TBC1D4: variants seen among roughly 807,000 people sequenced by gnomAD.
TBC1D4 encodes TBC1 domain family member 4, also known as TBC (Tre-2, BUB2, CDC16) domain-containing protein.
TBC1D4 carries 121 observed loss-of-function variants against 142.5 expected under a neutral mutation model. The observed-to-expected ratio is 0.85, with a 90% confidence interval of 0.73 to 0.99. The LOEUF is 0.99. Ranked by LOEUF, TBC1D4 falls within the 50% of genes least tolerant of loss-of-function variation. The pLI is 0.00. For synonymous variants in TBC1D4, 630 were observed against 628.2 expected, an observed-to-expected ratio of 1.00 and a Z score of -0.04; for missense variants, 1,475 against 1,606.6, an observed-to-expected ratio of 0.92 and a Z score of 1.40.
intron 3 of TBC1D4, 52 bp downstream of exon 3, chr13:75,359,717 T>C: frequency 1.4e-6 from 2 of 1,411,180 alleles, no homozygotes; most frequent in Non-Finnish European, 1.0e-6. Flanking sequence ...TTATTGTTAA[T>C]TCTGAAACAA....
chr13:75,317,878 C>A (rs563391319), intron 12 of TBC1D4, among the ~76,000 whole-genome samples: 2 of 152,144 alleles, frequency 1.3e-5, no homozygotes, highest in African/African-American at 2.4e-5. Context: ...GAGAAAATGT[C>A]CCGTATTACA....
At chr13:75,328,409 T>A (rs1247121135) in intron 8 of TBC1D4, among the ~76,000 whole-genome samples, 1 of 152,202 alleles carries the variant, frequency 6.6e-6, no homozygotes, top group African/African-American at 2.4e-5. Context: ...GTTATCAATT[T>A]TTTTTCACAT....
At chr13:75,470,879 T>C (rs1179771842) in intron 1 of TBC1D4, among the ~76,000 whole-genome samples, 2 of 151,510 alleles carry the variant, frequency 1.3e-5, no homozygotes, top group African/African-American at 4.9e-5. Flanking sequence ...CCCAGATACT[T>C]GGGAGGCTGG....
chr13:75,481,711 C>T lies in TBC1D4; in HGVS notation c.57G>A (p.Glu19=), dbSNP rs1230619639. The change falls in exon 1 of 21, where the codon GAG becomes GAA. Residue 19 remains glutamate, a synonymous_variant. Coordinates refer to ENST00000377636, the MANE Select transcript of TBC1D4 (RefSeq NM_014832.5). The part of the protein sequence containing the change: ...DEPFPHPLEP[E]PGVSAQPGPG... ...GGCCGGGCTGAGCTGAGACGCCCGG[C>T]TCGGGCTCCAGGGGGTGCGGGAACG... The T allele has an allele frequency of 1.3e-6, 2 of 1,596,280 alleles. No individual in the cohort carries two copies. Among genetic ancestry groups the T allele is most frequent in the Non-Finnish European group, 1.7e-6 (2 of 1,173,546 alleles).
intron 1 of TBC1D4, among the ~76,000 whole-genome samples, chr13:75,476,189 G>C (rs953849873): frequency 6.6e-6 from 1 of 152,158 alleles, no homozygotes; most frequent in Admixed American, 6.5e-5. Context: ...GTTGCAGTGA[G>C]CCGAGATCGC....
intron 1 of TBC1D4, among the ~76,000 whole-genome samples, chr13:75,373,998 AG>A (rs1483428477): frequency 6.6e-6 from 1 of 152,192 alleles, no homozygotes; most frequent in Non-Finnish European, 1.5e-5. Flanking sequence ...AGCATCCTGG[AG>A]AAAGAATATG....
intron 2 of TBC1D4, among the ~76,000 whole-genome samples, chr13:75,361,771 T>C (rs1363478310): frequency 2.6e-5 from 4 of 152,256 alleles, no homozygotes; most frequent in Non-Finnish European, 5.9e-5. Context: ...TCCAGGACGT[T>C]CTACGAATTG....
chr13:75,404,000 T>A (rs186923872), intron 1 of TBC1D4, among the ~76,000 whole-genome samples: 5 of 151,642 alleles, frequency 3.3e-5, no homozygotes, highest in African/African-American at 1.2e-4. Flanking sequence ...AATCAGGTAT[T>A]TATATATATA....
chr13:75,456,675 T>C (rs1432147601), intron 1 of TBC1D4, among the ~76,000 whole-genome samples: 2 of 151,080 alleles, frequency 1.3e-5, no homozygotes, highest in African/African-American at 4.9e-5. Flanking sequence ...GTAGAGCTAT[T>C]AGAACTGTCA....
intron 1 of TBC1D4, among the ~76,000 whole-genome samples, chr13:75,458,414 G>A (rs995862215): frequency 6.6e-6 from 1 of 152,190 alleles, no homozygotes; most frequent in African/African-American, 2.4e-5. Flanking sequence ...GCGGAGCTTA[G>A]GGTTTATATG....
chr13:75,342,064 G>A (rs536350666), intron 5 of TBC1D4, among the ~76,000 whole-genome samples: 42 of 152,280 alleles, frequency 2.8e-4, no homozygotes, highest in Non-Finnish European at 5.4e-4. Context: ...CAGCCATGGT[G>A]GCGGGGGCCT....
At chr13:75,320,066 A>G in intron 11 of TBC1D4, 29 bp from the exon 12 acceptor site, 1 of 1,612,564 alleles carries the variant, frequency 6.2e-7, no homozygotes, top group Non-Finnish European at 8.5e-7. Flanking sequence ...AAGGAATGGA[A>G]TTAGCACACA....
chr13:75,419,748 A>T lies in TBC1D4; in HGVS notation c.499-57141T>A, dbSNP rs150141971. On this transcript the variant is annotated intron_variant, in intron 1 of 20. Transcript: ENST00000377636. ...AACTCACAAATTGTATTAAATCAAA[A>T]AATCTTCGCTGAGTGCTTACCATGT... 3.9e-5 allele frequency among the ~76,000 whole-genome samples: 6 copies of T among 152,302 alleles called. No homozygotes were observed. The East Asian group carries it at 9.6e-4, about 24-fold the overall frequency.
chr13:75,362,684 C>A lies in TBC1D4; in HGVS notation c.499-77G>T. On this transcript the variant is annotated intron_variant, in intron 1 of 20. Transcript: ENST00000377636. This position sits in a 1 kb window ranked among gnomAD's most constrained non-coding sequence, Gnocchi z 4.2. ...TACATTTACCTAGCCCAATTATTAC[C>A]ACATGGAATGTATTTTCATCCTAAA... is the stretch of plus-strand genomic sequence containing the variant. 1.4e-6 allele frequency: 2 copies of A among 1,460,244 alleles called. No individual in the cohort carries two copies. The highest frequency in any genetic ancestry group is 2.3e-5 in the South Asian group (2 of 86,944). The allele number at this position is 1,460,244 out of a possible 1,614,324, so 90.5% of individuals were successfully genotyped here.
intron 1 of TBC1D4, among the ~76,000 whole-genome samples, chr13:75,398,056 A>G (rs1884891262): frequency 6.6e-6 from 1 of 152,204 alleles, no homozygotes; most frequent in Non-Finnish European, 1.5e-5. Flanking sequence ...ATGGAGAGAA[A>G]GAGATGCCTG....
intron 1 of TBC1D4, among the ~76,000 whole-genome samples, chr13:75,472,760 G>T (rs930517498): frequency 6.6e-6 from 1 of 152,128 alleles, no homozygotes; most frequent in African/African-American, 2.4e-5. Flanking sequence ...GAATCAGGGA[G>T]TTCCAACACA....
At chr13:75,401,685 T>C (rs1226972100) in intron 1 of TBC1D4, among the ~76,000 whole-genome samples, 1 of 152,212 alleles carries the variant, frequency 6.6e-6, no homozygotes, top group Non-Finnish European at 1.5e-5. Flanking sequence ...CTCCAGATAA[T>C]GAAGATGCTT....
intron 1 of TBC1D4, among the ~76,000 whole-genome samples, chr13:75,372,853 A>C (rs953355447): frequency 3.9e-5 from 6 of 152,238 alleles, no homozygotes; most frequent in African/African-American, 1.4e-4. Flanking sequence ...AAAAAATTTG[A>C]ATACAGCAAA....
intron 1 of TBC1D4, among the ~76,000 whole-genome samples, chr13:75,476,529 G>A (rs972113751): frequency 3.3e-5 from 5 of 152,180 alleles, no homozygotes; most frequent in Non-Finnish European, 7.4e-5. Flanking sequence ...GAAAGGCAAA[G>A]TTTTCATTCA....
Sources: allele counts gnomAD v4.1 joint callset (sites outside exome capture counted in the v4.1 genomes callset), GRCh38; gene constraint gnomAD v4.1.1; non-coding constraint Gnocchi (gnomAD v3.1); transcripts MANE v1.5; gene names NCBI Gene and HGNC (gene_info 2026-07-23, HGNC 2026-07-21).